Variants in HSD17B3 observed in about 807,000 individuals in gnomAD.
HSD17B3 encodes 17-beta-hydroxysteroid dehydrogenase type 3.
A neutral mutation model predicts 41.1 loss-of-function variants in HSD17B3; 29 were observed. The observed-to-expected ratio is 0.71, with a 90% confidence interval of 0.53 to 0.96. The LOEUF (loss-of-function observed/expected upper bound fraction) is 0.96. Among genes scored for constraint, HSD17B3 ranks in the 40% least tolerant of loss-of-function variants. The probability of loss-of-function intolerance (pLI) is 0.00; values close to 1 mark genes in which losing one functional copy is unlikely to be tolerated. For synonymous variants in HSD17B3, 126 were observed against 145.6 expected (o/e 0.87, Z 0.97); for missense variants, 323 against 374.6 (o/e 0.86, Z 1.14).
chr9:96,297,881 A>C (rs939198162), intron 2 of HSD17B3, among the ~76,000 whole-genome samples: 1 of 152,180 alleles, frequency 6.6e-6, no homozygotes, highest in East Asian at 1.9e-4. Flanking sequence ...TTATCAATCT[A>C]TCTATCTACA....
chr9:96,236,774 C>A (rs1432512201), intron 10 of HSD17B3, among the ~76,000 whole-genome samples: 1 of 152,042 alleles, frequency 6.6e-6, no homozygotes, highest in Non-Finnish European at 1.5e-5. Flanking sequence ...TCCTTGCCAC[C>A]AAATTGCAAC....
chr9:96,249,056 C>T (rs1836788694), intron 6 of HSD17B3, among the ~76,000 whole-genome samples: 1 of 152,240 alleles, frequency 6.6e-6, no homozygotes, highest in South Asian at 2.1e-4. Flanking sequence ...CAGGTGCCTG[C>T]CACCATGCCC....
intron 2 of HSD17B3, among the ~76,000 whole-genome samples, chr9:96,286,280 G>T (rs547127906): frequency 4.6e-5 from 7 of 152,120 alleles, no homozygotes; most frequent in Admixed American, 3.9e-4. Flanking sequence ...GGAGGCGGAG[G>T]TTGCAGTGAG....
intron 2 of HSD17B3, among the ~76,000 whole-genome samples, chr9:96,275,864 C>A (rs1262727223): frequency 6.6e-6 from 1 of 151,416 alleles, no homozygotes; most frequent in African/African-American, 2.4e-5. Context: ...GACAGAAAAC[C>A]ATTTACAAAA....
At chr9:96,298,556 G>T (rs925646880) in intron 1 of HSD17B3, 94 bp from the exon 2 acceptor site, 20 of 1,039,584 alleles carry the variant, frequency 1.9e-5, no homozygotes, top group Non-Finnish European at 3.0e-5. Context: ...AGTCTCCAGG[G>T]CAGTCAGTAC....
Position 96,282,083 on chromosome 9 carries a change from T to C in HSD17B3, c.201+16333A>G, listed in dbSNP as rs117587608. On this transcript the variant is annotated intron_variant, in intron 2 of 10. Transcript: ENST00000375263. The stretch of plus-strand genomic sequence containing the variant: ...ATAGAACATGGGCATAGGACACCTG[T>C]AAGCCCGCTTTTCAAGATGGCCCAG... 8.5e-3 allele frequency among the ~76,000 whole-genome samples: 1,293 copies of C among 152,194 alleles called. 29 individuals are homozygous for C. The highest frequency in any genetic ancestry group is 0.066 in the South Asian group (317 of 4,822).
At chr9:96,295,775 G>C (rs1398630460) in intron 2 of HSD17B3, among the ~76,000 whole-genome samples, 2 of 152,184 alleles carry the variant, frequency 1.3e-5, no homozygotes, top group Admixed American at 1.3e-4. Flanking sequence ...ACAAGAAAAG[G>C]CATGGGTACT....
At chr9:96,255,085 T>G in intron 2 of HSD17B3, 142 bp from the exon 3 acceptor site, 1 of 747,346 alleles carries the variant, frequency 1.3e-6, no homozygotes, top group Non-Finnish European at 2.4e-6. Context: ...GTGCAGAATG[T>G]GACAAAGCTT....
chr9:96,282,992 C>CTTTCT lies in HSD17B3; in HGVS notation c.201+15423_201+15424insAGAAA, dbSNP rs1826758236. Among the ~76,000 whole-genome samples the CTTTCT allele has an allele frequency of 7.0e-5, 5 of 71,694 alleles. No individual in the cohort carries two copies. The South Asian group carries it at 2.0e-3, about 29-fold the overall frequency. The allele number at this position is 71,694 out of a possible 152,430, so 47.0% of individuals were successfully genotyped here. A position where few individuals can be genotyped will look rare whatever the true frequency, so the allele number is the denominator to read the frequency against. On this transcript the variant is annotated intron_variant, in intron 2 of 10. Coordinates refer to ENST00000375263, the MANE Select transcript of HSD17B3 (RefSeq NM_000197.2). ...GAATAAAAGCACAACAGGTTTCTTT[C>CTTTCT]TTTTTTTTTTTTTTTTTTTTTTTTT...
At chr9:96,246,423 G>A (rs1396086385) in intron 7 of HSD17B3, 133 bp downstream of exon 7, 15 of 806,078 alleles carry the variant, frequency 1.9e-5, no homozygotes, top group East Asian at 5.0e-5. Context: ...CATAATCACC[G>A]TGTGCTTTCA....
rs113435996 is a variant in HSD17B3 at position 96,293,616 on chromosome 9, C to T, written c.201+4800G>A. On this transcript the variant is annotated intron_variant, in intron 2 of 10. Transcript: ENST00000375263. ...TCTCTTTCTCTCCCTTCCTCCCCTG[C>T]CCCCACTCCCAGCTGTCTCTATGTG... Among the ~76,000 whole-genome samples, 531 of 151,426 alleles carry T rather than the reference C, an allele frequency of 3.5e-3. 7 individuals carry two copies. The highest frequency in any genetic ancestry group is 0.012 in the African/African-American group (496 of 40,976).
At chr9:96,254,507 T>A (rs74918947) in intron 3 of HSD17B3, among the ~76,000 whole-genome samples, 2 of 152,226 alleles carry the variant, frequency 1.3e-5, no homozygotes, top group Non-Finnish European at 2.9e-5. Flanking sequence ...TGAAATAGTA[T>A]AGTTAGTTGA....
At chr9:96,244,885 C>A (rs2147252) in intron 8 of HSD17B3, among the ~76,000 whole-genome samples, 2 of 151,876 alleles carry the variant, frequency 1.3e-5, no homozygotes, top group Non-Finnish European at 2.9e-5. Context: ...CTTCATCCCC[C>A]GGTCTGGGAA....
intron 2 of HSD17B3, among the ~76,000 whole-genome samples, chr9:96,277,200 C>CA (rs59202692): frequency 0.9 from 124,647 of 138,740 alleles, 56,070 homozygotes; most frequent in African/African-American, 0.95. Flanking sequence ...GACTCCAGCT[C>CA]AAAAAAAAAA....
chr9:96,235,447 C>G lies in HSD17B3; in HGVS notation c.*13G>C, dbSNP rs1417057846. Reference sequence around the variant, plus strand: ...GGTGAGGAAAAGGTTGTGCTGGACTCCTCACCGCCTGGCTACCTGACCTTG... The same window carrying G: ...GGTGAGGAAAAGGTTGTGCTGGACTGCTCACCGCCTGGCTACCTGACCTTG... On this transcript the variant is annotated 3_prime_UTR_variant, in exon 11 of 11. Transcript: ENST00000375263. 2.5e-6 allele frequency: 4 copies of G among 1,591,638 alleles called. No individual in the cohort carries two copies. In the Admixed American group the frequency reaches 6.7e-5, roughly 27 times the overall value.
At chr9:96,271,883 T>C (rs1826255985) in intron 2 of HSD17B3, among the ~76,000 whole-genome samples, 1 of 152,156 alleles carries the variant, frequency 6.6e-6, no homozygotes, top group Non-Finnish European at 1.5e-5. Flanking sequence ...ATTTTAGCAC[T>C]GGTTACCTTT....
At chr9:96,274,195 T>C (rs1412050765) in intron 2 of HSD17B3, among the ~76,000 whole-genome samples, 1 of 152,154 alleles carries the variant, frequency 6.6e-6, no homozygotes, top group African/African-American at 2.4e-5. Flanking sequence ...TCCCAGCACT[T>C]TGGGAGGCCA....
chr9:96,237,830 AGGTC>A (rs1160643849), intron 10 of HSD17B3, among the ~76,000 whole-genome samples: 2 of 152,220 alleles, frequency 1.3e-5, no homozygotes, highest in Admixed American at 6.5e-5. Context: ...TTAAAAGGAA[AGGTC>A]AAGAAAATAT....
intron 2 of HSD17B3, among the ~76,000 whole-genome samples, chr9:96,259,590 G>C (rs1337317501): frequency 6.6e-6 from 1 of 152,080 alleles, no homozygotes. Flanking sequence ...GCATGGTGGC[G>C]CATGCCTGTA....
Sources: gnomAD v4.1 joint callset for allele counts (sites outside exome capture counted in the v4.1 genomes callset) on GRCh38, gnomAD v4.1.1 for gene constraint, MANE v1.5 for transcripts, NCBI Gene and HGNC (gene_info 2026-07-23, HGNC 2026-07-21) for gene names.